Variants in AGBL1 observed in about 807,000 individuals in gnomAD.
AGBL1 encodes AGBL carboxypeptidase 1.
Under a neutral mutation model 118.9 loss-of-function variants are expected in AGBL1, and 130 were observed. The ratio of observed to expected loss-of-function variants is 1.09; its 90% CI spans 0.95 to 1.26. The LOEUF is 1.26. Ranked by LOEUF, AGBL1 falls within the 50% of genes most tolerant of loss-of-function variation. The probability of loss-of-function intolerance (pLI) is 0.00; values close to 1 mark genes in which losing one functional copy is unlikely to be tolerated. For synonymous variants in AGBL1, 555 were observed against 478.9 expected (o/e 1.16, Z -2.08); for missense variants, 1,584 against 1,298.1 (o/e 1.22, Z -3.38).
At chr15:86,492,040 G>A (rs752086195) in intron 18 of AGBL1, among the ~76,000 whole-genome samples, 1 of 151,976 alleles carries the variant, frequency 6.6e-6, no homozygotes, top group Non-Finnish European at 1.5e-5. Context: ...GAGAGATGGA[G>A]ACTTAAAGAT....
At chr15:86,530,102 A>C (rs1027154790) in intron 19 of AGBL1, among the ~76,000 whole-genome samples, 2 of 135,828 alleles carry the variant, frequency 1.5e-5, no homozygotes, top group African/African-American at 7.4e-5. Context: ...AAATTCACAC[A>C]TAACAATATC....
chr15:86,233,243 G>A (rs1647739840), intron 6 of AGBL1, among the ~76,000 whole-genome samples: 1 of 152,180 alleles, frequency 6.6e-6, no homozygotes, highest in African/African-American at 2.4e-5. Context: ...TTGGCTCTGT[G>A]ACTTTAAACT....
intron 19 of AGBL1, among the ~76,000 whole-genome samples, chr15:86,543,686 G>A (rs191299556): frequency 5.9e-5 from 9 of 152,268 alleles, no homozygotes; most frequent in Admixed American, 4.6e-4. Context: ...AAATAATACT[G>A]GACAACTAAT....
intron 22 of AGBL1, among the ~76,000 whole-genome samples, chr15:86,803,190 G>A (rs546386738): frequency 1.3e-5 from 2 of 152,234 alleles, no homozygotes; most frequent in South Asian, 2.1e-4. Flanking sequence ...ATCCTCATGT[G>A]TCAAGGGAGG....
intron 19 of AGBL1, among the ~76,000 whole-genome samples, chr15:86,536,433 C>G (rs1210112215): frequency 6.6e-6 from 1 of 152,182 alleles, no homozygotes; most frequent in East Asian, 1.9e-4. Context: ...GCCTCAGCTT[C>G]CTGAGTAGCT....
chr15:86,954,279 G>T (rs2080908375), intron 23 of AGBL1, among the ~76,000 whole-genome samples: 1 of 152,078 alleles, frequency 6.6e-6, no homozygotes, highest in African/African-American at 2.4e-5. Flanking sequence ...ATTCGACTTG[G>T]CAATCCCATT....
intron 22 of AGBL1, among the ~76,000 whole-genome samples, chr15:86,778,418 C>T (rs575178636): frequency 1.6e-4 from 24 of 152,200 alleles, no homozygotes; most frequent in East Asian, 7.7e-4. Flanking sequence ...GGGAGTGCTA[C>T]GGGAGACTGC....
rs1479505450 is a variant in AGBL1, at chr15:86,142,046, C to T, written c.94C>T (p.Leu32Phe). 5.3e-5 allele frequency: 82 copies of T among 1,550,082 alleles called. No homozygotes were observed. Among genetic ancestry groups the T allele is most frequent in the Non-Finnish European group, 6.6e-5 (76 of 1,146,802 alleles). Residue 32 changes from leucine to phenylalanine, a missense_variant, in exon 2 of 23, where the codon CTC (leucine) becomes TTC (phenylalanine). Leu to Phe is a conservative substitution (Grantham distance 22). Transcript: ENST00000614907. ...GTCCATCCTGACCATCCTCAAGGTC[C>T]TCGGAGATCTGCTTTCTGTTGGTGA... ...KESILTILKVLGDLLSVGTDR... is the reference protein window; with the variant it reads ...KESILTILKVFGDLLSVGTDR...
downstream of AGBL1, among the ~76,000 whole-genome samples, chr15:86,920,016 T>A (rs1333629559): frequency 3.3e-5 from 5 of 152,170 alleles, no homozygotes; most frequent in Non-Finnish European, 7.3e-5. Context: ...TACCACCAAT[T>A]TAGTGCTGTC....
chr15:86,283,536 A>C (rs1235825551), intron 16 of AGBL1, among the ~76,000 whole-genome samples: 3 of 152,084 alleles, frequency 2.0e-5, no homozygotes, highest in Non-Finnish European at 4.4e-5. Context: ...GAAAGAAAGA[A>C]AGAAAAGAAA....
chr15:86,896,331 T>C (rs1249152458), intron 22 of AGBL1, among the ~76,000 whole-genome samples: 2 of 152,076 alleles, frequency 1.3e-5, no homozygotes, highest in Admixed American at 6.6e-5. Context: ...ATTTGTTATT[T>C]TGAGTGTATC....
At position 86,397,529 on chromosome 15, in the gene AGBL1, T is replaced by C. The variant is rs761469183; in HGVS notation, c.2538T>C (p.Asp846=). ...IFKIIPMLNP[D]GVINGNHRCS... ...AGATCATACCCATGCTCAACCCAGA[T>C]GGTGTCATCAACGGCAAGTATGTCA... The change falls in exon 18 of 23, where the codon GAT becomes GAC. Residue 846 remains aspartate (D), a synonymous_variant. Transcript: ENST00000614907. 1 of 1,610,116 alleles carries C rather than the reference T, an allele frequency of 6.2e-7. No homozygotes were observed. Among genetic ancestry groups the C allele is most frequent in the Non-Finnish European group, 8.5e-7 (1 of 1,178,128 alleles).
chr15:86,472,408 T>C (rs776509155), intron 18 of AGBL1, among the ~76,000 whole-genome samples: 7 of 152,210 alleles, frequency 4.6e-5, no homozygotes, highest in Non-Finnish European at 7.3e-5. Flanking sequence ...AATTCATTAA[T>C]TGGTTCCTCA....
chr15:86,459,844 G>A (rs1358979120), intron 18 of AGBL1, among the ~76,000 whole-genome samples: 1 of 151,978 alleles, frequency 6.6e-6, no homozygotes, highest in Non-Finnish European at 1.5e-5. Flanking sequence ...ATTGCCCAAC[G>A]GGTACAGCTA....
At chr15:86,569,195 G>T (rs1314650912) in intron 21 of AGBL1, among the ~76,000 whole-genome samples, 1 of 152,180 alleles carries the variant, frequency 6.6e-6, no homozygotes, top group Non-Finnish European at 1.5e-5. Context: ...AATTTGGGAG[G>T]CTGAGGTGGG....
intron 22 of AGBL1, among the ~76,000 whole-genome samples, chr15:86,900,635 G>A (rs2080198687): frequency 1.3e-5 from 2 of 150,384 alleles, no homozygotes; most frequent in Admixed American, 6.7e-5. Flanking sequence ...ATCTTATATC[G>A]ACTATCTTAT....
intron 18 of AGBL1, among the ~76,000 whole-genome samples, chr15:86,407,011 G>A (rs1438814836): frequency 1.3e-5 from 2 of 152,068 alleles, no homozygotes; most frequent in Non-Finnish European, 2.9e-5. Flanking sequence ...ACATATTGTT[G>A]CCAGATTACC....
chr15:86,904,485 G>A (rs977267999), intron 22 of AGBL1, among the ~76,000 whole-genome samples: 1 of 150,178 alleles, frequency 6.7e-6, no homozygotes, highest in South Asian at 2.1e-4. Flanking sequence ...TTGCATTTGG[G>A]CAAATAAGTG....
At chr15:86,739,408 A>C (rs997536048) in intron 22 of AGBL1, among the ~76,000 whole-genome samples, 2 of 131,214 alleles carry the variant, frequency 1.5e-5, no homozygotes, top group African/African-American at 5.9e-5. Flanking sequence ...GTGCCATTGC[A>C]CTCCAGCCTG....
Sources: allele counts gnomAD v4.1 joint callset (sites outside exome capture counted in the v4.1 genomes callset), GRCh38; gene constraint gnomAD v4.1.1; transcripts MANE v1.5; gene names NCBI Gene and HGNC (gene_info 2026-07-23, HGNC 2026-07-21).